Variants in PRKN observed in about 807,000 individuals in gnomAD.
PRKN encodes the protein E3 ubiquitin-protein ligase parkin.
A neutral mutation model predicts 59.5 loss-of-function variants in PRKN; 56 were observed. The observed-to-expected ratio is 0.94, with a 90% CI of 0.76 to 1.18. The LOEUF (loss-of-function observed/expected upper bound fraction) is 1.18, where lower values mean the gene tolerates loss of function less well. Ranked by LOEUF, PRKN falls within the 50% of genes most tolerant of loss-of-function variation. PRKN has a pLI of 0.00. For missense variants in PRKN, 657 were observed against 596.4 expected (o/e 1.10, Z -1.06); for synonymous variants, 250 against 222.1 (o/e 1.13, Z -1.12).
intron 7 of PRKN, among the ~76,000 whole-genome samples, chr6:161,650,854 C>G (rs1432039678): frequency 6.6e-6 from 1 of 152,122 alleles, no homozygotes; most frequent in Non-Finnish European, 1.5e-5. Flanking sequence ...ACCTTCCTGG[C>G]TACCTTAGTT....
intron 2 of PRKN, among the ~76,000 whole-genome samples, chr6:162,369,301 G>A (rs539393633): frequency 1.6e-4 from 24 of 152,238 alleles, no homozygotes; most frequent in East Asian, 1.3e-3. Context: ...GGCAGTTCTC[G>A]AAACAGAAAA....
chr6:162,244,026 C>T (rs1779098944), intron 3 of PRKN, among the ~76,000 whole-genome samples: 1 of 152,076 alleles, frequency 6.6e-6, no homozygotes, highest in African/African-American at 2.4e-5. Context: ...TGAGGAAAAA[C>T]AGTTGCTCTT....
intron 1 of PRKN, among the ~76,000 whole-genome samples, chr6:162,670,042 T>C (rs530570736): frequency 4.6e-5 from 7 of 152,326 alleles, no homozygotes; most frequent in Admixed American, 3.3e-4. Context: ...TGCTAAACAT[T>C]TGACAAACCT....
intron 6 of PRKN, among the ~76,000 whole-genome samples, chr6:161,940,964 A>G (rs1477687598): frequency 6.6e-6 from 1 of 152,198 alleles, no homozygotes; most frequent in African/African-American, 2.4e-5. Flanking sequence ...CTTTGGACAC[A>G]GAATATTATT....
chr6:161,450,892 TATC>T (rs1430548736), intron 9 of PRKN, among the ~76,000 whole-genome samples: 1 of 152,178 alleles, frequency 6.6e-6, no homozygotes, highest in Non-Finnish European at 1.5e-5. Context: ...CCAAAATAAA[TATC>T]ATACCATTAA....
intron 1 of PRKN, among the ~76,000 whole-genome samples, chr6:162,561,074 G>A (rs997090966): frequency 6.6e-6 from 1 of 152,106 alleles, no homozygotes; most frequent in Admixed American, 6.6e-5. Flanking sequence ...GGAGCAGGGC[G>A]ACGGGGAGAA....
intron 2 of PRKN, among the ~76,000 whole-genome samples, chr6:162,314,956 C>A (rs1268720807): frequency 1.3e-5 from 2 of 152,102 alleles, no homozygotes; most frequent in African/African-American, 4.8e-5. Context: ...TCGAAATGAT[C>A]TTTGTGCTGT....
chr6:162,391,164 G>A (rs1253554580), intron 2 of PRKN, among the ~76,000 whole-genome samples: 1 of 152,168 alleles, frequency 6.6e-6, no homozygotes, highest in Non-Finnish European at 1.5e-5. Flanking sequence ...CTTCCTCCTG[G>A]AAGATAATTT....
intron 4 of PRKN, among the ~76,000 whole-genome samples, chr6:162,077,113 A>T (rs1778860922): frequency 6.6e-6 from 1 of 152,136 alleles, no homozygotes; most frequent in Admixed American, 6.5e-5. Context: ...GGAACGTGGC[A>T]GACATGGAGG....
intron 7 of PRKN, among the ~76,000 whole-genome samples, chr6:161,623,938 T>G (rs1212278185): frequency 6.6e-6 from 1 of 152,210 alleles, no homozygotes; most frequent in Non-Finnish European, 1.5e-5. Flanking sequence ...TGACTTCTAC[T>G]AAAGGGTCAT....
intron 3 of PRKN, among the ~76,000 whole-genome samples, chr6:162,228,717 T>A (rs901383707): frequency 6.6e-6 from 1 of 152,190 alleles, no homozygotes; most frequent in Non-Finnish European, 1.5e-5. Flanking sequence ...AACATGAAAA[T>A]TGACTCTACC....
rs1213352378 is a variant in PRKN, at chr6:162,633,700, C to T, written c.7+93962G>A. 8.6e-5 allele frequency among the ~76,000 whole-genome samples: 13 copies of T among 151,992 alleles called. No individual in the cohort carries two copies. The East Asian group carries it at 1.6e-3, about 18-fold the overall frequency. ...TGGTGTCCCCAGAACAGTCTCTTTC[C>T]GTGGGACCCTGAATGTGCCTGGGAT... On this transcript the variant is annotated intron_variant, in intron 1 of 11. Transcript: ENST00000366898.
chr6:161,910,136 G>T (rs563534284), intron 6 of PRKN, among the ~76,000 whole-genome samples: 1 of 152,346 alleles, frequency 6.6e-6, no homozygotes, highest in African/African-American at 2.4e-5. Flanking sequence ...GCAATCTCAT[G>T]ATAAATCTTG....
intron 1 of PRKN, chr6:162,569,435 G>A (rs942392230): frequency 1.0e-5 from 7 of 685,894 alleles, no homozygotes; most frequent in South Asian, 4.1e-5. Context: ...CCTGGACATC[G>A]AGATTGCCAC....
rs141494629 is a variant in PRKN at position 161,830,453 on chromosome 6, C to T, written c.735-44545G>A. 9.3e-3 allele frequency among the ~76,000 whole-genome samples: 1,421 copies of T among 152,064 alleles called. 21 individuals carry two copies. Among genetic ancestry groups the T allele is most frequent in the African/African-American group, 0.032 (1,333 of 41,472 alleles). On this transcript the variant is annotated intron_variant, in intron 6 of 11. Coordinates refer to ENST00000366898, the MANE Select transcript of PRKN (RefSeq NM_004562.3). ...GTTTTTAGTAGAGACAGTGTTTCAC[C>T]GTGTTAGCCAGGATGGTCTCGATCT...
chr6:161,669,207 A>G (rs1784825464), intron 7 of PRKN, among the ~76,000 whole-genome samples: 1 of 152,198 alleles, frequency 6.6e-6, no homozygotes, highest in Admixed American at 6.5e-5. Flanking sequence ...TTGATCTTGG[A>G]CTTCCCAGCA....
chr6:161,687,313 A>G (rs536847185), intron 7 of PRKN, among the ~76,000 whole-genome samples: 151 of 126,310 alleles, frequency 1.2e-3, no homozygotes, highest in Middle Eastern at 5.6e-3. Flanking sequence ...TGCTTGAACC[A>G]GGGAGGTGGA....
rs147174431 is a variant in PRKN, at chr6:161,518,970, G to A, written c.1083+29884C>T. 3.3e-3 allele frequency among the ~76,000 whole-genome samples: 499 copies of A among 152,312 alleles called. 2 individuals carry two copies. Among genetic ancestry groups the A allele is most frequent in the Non-Finnish European group, 5.8e-3 (396 of 68,026 alleles). On this transcript the variant is annotated intron_variant, in intron 9 of 11. Transcript: ENST00000366898. This position sits in a 1 kb window ranked among gnomAD's most constrained non-coding sequence, Gnocchi z 5.0. ...ATGGAACTCTGGGAAAACTGCACTC[G>A]TGTCCAGATGCAAGTAAATGATAAA...
chr6:162,703,270 C>G (rs763801299), intron 1 of PRKN, among the ~76,000 whole-genome samples: 3 of 152,108 alleles, frequency 2.0e-5, no homozygotes, highest in Non-Finnish European at 2.9e-5. Flanking sequence ...AATACAATGA[C>G]GTAAATCTCC....
Sources: gnomAD v4.1 joint callset for allele counts (sites outside exome capture counted in the v4.1 genomes callset) on GRCh38, gnomAD v4.1.1 for gene constraint, Gnocchi (gnomAD v3.1) non-coding constraint, MANE v1.5 for transcripts, NCBI Gene and HGNC (gene_info 2026-07-23, HGNC 2026-07-21) for gene names.